The following SLC9B1 variants were observed in gnomAD, a reference collection of about 807,000 sequenced individuals.
The protein encoded by SLC9B1 is solute carrier family 9 member B1, also known as sodium/hydrogen exchanger 9B1.
Under a neutral mutation model 51.7 loss-of-function variants are expected in SLC9B1, and 32 were observed. The observed-to-expected ratio is 0.62, with a 90% CI of 0.47 to 0.83. The LOEUF is 0.83. SLC9B1 is among the 40% of genes least tolerant of loss of function. The pLI, the probability that SLC9B1 is intolerant of heterozygous loss-of-function variation, is 0.00. For synonymous variants in SLC9B1, 145 were observed against 212.7 expected, an observed-to-expected ratio of 0.68 and a Z score of 2.77; for missense variants, 406 against 613.2, an observed-to-expected ratio of 0.66 and a Z score of 3.57.
Position 102,901,177 on chromosome 4 carries a change from A to G in SLC9B1, c.1488T>C (p.Leu496=), listed in dbSNP as rs777165700. Residue 496 remains leucine, a synonymous_variant, in exon 12 of 12, where the codon CTT becomes CTC. Coordinates refer to ENST00000296422, the MANE Select transcript of SLC9B1 (RefSeq NM_139173.4). ...LLMGILGPKM[L]TRHYDPSKIK... The stretch of plus-strand genomic sequence containing the variant: ...TTTTGCTTGGATCATAATGGCGTGT[A>G]AGCATTTTAGGCCCCAGAATGCCCA... 8 of 1,611,818 alleles carry G rather than the reference A, an allele frequency of 5.0e-6. No individual in the cohort carries two copies. In the East Asian group the frequency reaches 6.7e-5, roughly 13 times the overall value.
intron 3 of SLC9B1, among the ~76,000 whole-genome samples, chr4:102,965,262 G>A (rs550352175): frequency 1.3e-5 from 2 of 152,072 alleles, no homozygotes; most frequent in South Asian, 4.2e-4. Flanking sequence ...TCTCCAGACC[G>A]GGAAGTTCAA....
At chr4:102,974,874 G>C (rs958749613) in intron 3 of SLC9B1, among the ~76,000 whole-genome samples, 3 of 152,094 alleles carry the variant, frequency 2.0e-5, no homozygotes, top group African/African-American at 7.2e-5. Flanking sequence ...GCCAAACTAA[G>C]CTTAGATACA....
At chr4:102,891,977 T>C (rs1160355252) in intron 11 of SLC9B1, 1 of 152,200 alleles carries the variant, frequency 6.6e-6, no homozygotes, top group Non-Finnish European at 1.5e-5. Flanking sequence ...TCATCTGAGG[T>C]TGTGTTAACA....
chr4:102,957,447 C>T (rs1266183502), intron 3 of SLC9B1, among the ~76,000 whole-genome samples: 1 of 151,866 alleles, frequency 6.6e-6, no homozygotes, highest in Non-Finnish European at 1.5e-5. Flanking sequence ...TTATCACATA[C>T]AGGGGAACAA....
At chr4:102,898,860 C>T (rs186394104), downstream of SLC9B1, among the ~76,000 whole-genome samples, 6 of 152,156 alleles carry the variant, frequency 3.9e-5, no homozygotes, top group East Asian at 3.9e-4. Context: ...CCCGAGTAGC[C>T]GGGACTACAG....
chr4:103,015,287 A>G (rs558031021), intron 1 of SLC9B1, among the ~76,000 whole-genome samples: 40 of 152,140 alleles, frequency 2.6e-4, no homozygotes. Flanking sequence ...GGACCAAAAA[A>G]AAAAAAAAAA....
chr4:102,939,802 C>A (rs1396795726), intron 6 of SLC9B1, among the ~76,000 whole-genome samples: 1 of 152,212 alleles, frequency 6.6e-6, no homozygotes, highest in Non-Finnish European at 1.5e-5. Context: ...AAAATAAAAA[C>A]ATCCCTTCAT....
chr4:102,937,162 G>T (rs1429914341), intron 6 of SLC9B1, among the ~76,000 whole-genome samples: 2 of 151,962 alleles, frequency 1.3e-5, no homozygotes, highest in African/African-American at 4.8e-5. Flanking sequence ...GAGTGGACTG[G>T]TGCTATCTTG....
intron 11 of SLC9B1, among the ~76,000 whole-genome samples, chr4:102,895,816 T>A (rs1037396320): frequency 2.0e-5 from 3 of 152,072 alleles, no homozygotes; most frequent in Non-Finnish European, 4.4e-5. Context: ...CTAAAAGAAA[T>A]GAGTAAAACA....
chr4:102,917,828 G>A (rs1007610121), intron 7 of SLC9B1, among the ~76,000 whole-genome samples: 1 of 152,078 alleles, frequency 6.6e-6, no homozygotes, highest in Non-Finnish European at 1.5e-5. Flanking sequence ...CCAGCACTTT[G>A]GGAGGCCGAG....
At chr4:102,978,647 TA>T (rs1739203056) in intron 3 of SLC9B1, among the ~76,000 whole-genome samples, 1 of 152,254 alleles carries the variant, frequency 6.6e-6, no homozygotes, top group Middle Eastern at 3.4e-3. Context: ...TGGTGATCAT[TA>T]AAAAGTCAGG....
At chr4:102,955,882 A>G (rs1737774636) in intron 3 of SLC9B1, among the ~76,000 whole-genome samples, 1 of 146,714 alleles carries the variant, frequency 6.8e-6, no homozygotes, top group Admixed American at 6.8e-5. Flanking sequence ...AGAAAGAAAG[A>G]AAGAAAGAAA....
At chr4:102,889,157 T>C (rs1378240677) in intron 11 of SLC9B1, 1 of 152,260 alleles carries the variant, frequency 6.6e-6, no homozygotes, top group Non-Finnish European at 1.5e-5. Context: ...AAATGTAGTC[T>C]GGTTTTTGAG....
rs185043616 is a variant in SLC9B1, at chr4:103,017,250, C to T, written c.-2+2349G>A. Among the ~76,000 whole-genome samples, 4 of 152,310 alleles carry T rather than the reference C, an allele frequency of 2.6e-5. No homozygotes were observed. The East Asian group carries it at 7.7e-4, about 29-fold the overall frequency. ...ATTTTATCCCAAACTTGTCATTCCT[C>T]TTTGGATTTCTGCAATTATCTTCTG... On this transcript the variant is annotated intron_variant, in intron 1 of 11. Transcript: ENST00000296422.
At chr4:102,917,465 ATAT>A (rs1735637909) in intron 7 of SLC9B1, among the ~76,000 whole-genome samples, 1 of 151,638 alleles carries the variant, frequency 6.6e-6, no homozygotes, top group African/African-American at 2.4e-5. Flanking sequence ...ATCTATATCT[ATAT>A]CTATATCTAT....
At chr4:102,965,327 A>G (rs1349120577) in intron 3 of SLC9B1, among the ~76,000 whole-genome samples, 1 of 152,172 alleles carries the variant, frequency 6.6e-6, no homozygotes, top group Admixed American at 6.5e-5. Flanking sequence ...GTAGTGCATC[A>G]CAACATGGCA....
chr4:102,907,338 G>C (rs1407644500), intron 9 of SLC9B1, among the ~76,000 whole-genome samples: 1 of 152,084 alleles, frequency 6.6e-6, no homozygotes, highest in Non-Finnish European at 1.5e-5. Context: ...AGGGGGTTGG[G>C]AAGCCCTCCA....
chr4:103,007,424 A>T (rs944507972), intron 1 of SLC9B1, among the ~76,000 whole-genome samples: 2 of 152,132 alleles, frequency 1.3e-5, no homozygotes, highest in East Asian at 3.9e-4. Flanking sequence ...GAAGTGAAGG[A>T]TCTCTACAAT....
intron 4 of SLC9B1, among the ~76,000 whole-genome samples, chr4:102,948,939 C>G (rs1737404108): frequency 6.6e-6 from 1 of 152,128 alleles, no homozygotes; most frequent in Non-Finnish European, 1.5e-5. Flanking sequence ...ACCAAACCTG[C>G]ATATGTACCC....
Sources: gnomAD v4.1 joint callset for allele counts (sites outside exome capture counted in the v4.1 genomes callset) on GRCh38, gnomAD v4.1.1 for gene constraint, MANE v1.5 for transcripts, NCBI Gene and HGNC (gene_info 2026-07-23, HGNC 2026-07-21) for gene names.